HELT: variants seen among roughly 807,000 people sequenced by gnomAD.
The protein encoded by HELT is hairy and enhancer of split-related protein HELT.
A neutral mutation model predicts 19.5 loss-of-function variants in HELT; 9 were observed. That is an observed-to-expected ratio of 0.46 (90% confidence interval 0.28 to 0.80). HELT has a LOEUF of 0.80. HELT is among the 30% of genes least tolerant of loss of function. HELT has a pLI of 0.12. For missense variants in HELT, 366 were observed against 326.3 expected, an observed-to-expected ratio of 1.12 and a Z score of -0.94; for synonymous variants, 162 against 148.3, an observed-to-expected ratio of 1.09 and a Z score of -0.67.
chr4:185,019,888 G>A, intron 3 of HELT, 45 bp downstream of exon 3: 5 of 1,532,108 alleles, frequency 3.3e-6, no homozygotes, highest in Middle Eastern at 2.0e-4. Context: ...AGGCGCCTGC[G>A]CCACCCAGAG....
intron 2 of HELT, 25 bp downstream of exon 2, chr4:185,019,516 G>C (rs769511243): frequency 6.3e-7 from 1 of 1,585,064 alleles, no homozygotes; most frequent in South Asian, 1.1e-5. Flanking sequence ...CCGGAGCCGG[G>C]TGCCAGGCGT....
In HELT at chr4:185,020,801, G is replaced by T. The variant is rs771983379; in HGVS notation, c.*29G>T. ...CCACTCGCCCGCCAGATTTCTCCTCGCTTTGGGCGCTTTTAGGAGAAATGC... is the reference window on the plus strand; with the variant it reads ...CCACTCGCCCGCCAGATTTCTCCTCTCTTTGGGCGCTTTTAGGAGAAATGC... On this transcript the variant is annotated 3_prime_UTR_variant, in exon 4 of 4. Transcript: ENST00000515777. 3.3e-6 allele frequency: 5 copies of T among 1,498,028 alleles called. No homozygotes were observed. The highest frequency in any genetic ancestry group is 2.9e-5 in the African/African-American group (2 of 69,944). The allele number at this position is 1,498,028 out of a possible 1,614,324, so 92.8% of individuals were successfully genotyped here.
chr4:185,020,851 T>C lies in HELT; in HGVS notation c.*79T>C, dbSNP rs1734058960. The C allele has an allele frequency of 3.5e-6, 5 of 1,425,046 alleles. No homozygotes were observed. Among genetic ancestry groups the C allele is most frequent in the African/African-American group, 3.0e-5 (2 of 66,982 alleles). 88.3% of individuals were successfully genotyped at this position (1,425,046 alleles called of 1,614,324 possible). ...CTGTATATATTGTACACATAATGTGTAAATATTGTACCCCAAAAATCTGGG... is the reference window on the plus strand; with the variant it reads ...CTGTATATATTGTACACATAATGTGCAAATATTGTACCCCAAAAATCTGGG... On this transcript the variant is annotated 3_prime_UTR_variant, in exon 4 of 4. Coordinates refer to ENST00000515777, the MANE Select transcript of HELT (RefSeq NM_001300781.2).
Position 185,019,816 on chromosome 4 carries a change from G to A in HELT, c.202G>A (p.Ala68Thr), listed in dbSNP as rs538685547. ...TCAGTACCTGAGAGCACTGCACTCC[G>A]CTGATTTTCCCCGGGGAAGGGAAAA... The part of the protein sequence containing the change: ...TVQYLRALHS[A>T]DFPRGREKAE... Residue 68 changes from alanine (A) to threonine (T), a missense_variant, in exon 3 of 4, where the codon GCT (alanine) becomes ACT (threonine). Ala to Thr is a moderately conservative substitution (Grantham distance 58). Coordinates refer to ENST00000515777, the MANE Select transcript of HELT (RefSeq NM_001300781.2). 2 of 1,613,706 alleles carry A rather than the reference G, an allele frequency of 1.2e-6. No individual in the cohort carries two copies. The highest frequency in any genetic ancestry group is 1.7e-5 in the Admixed American group (1 of 60,012).
chr4:185,019,540 C>A (rs774335027), intron 2 of HELT, 49 bp downstream of exon 2: 2 of 1,563,386 alleles, frequency 1.3e-6, no homozygotes, highest in African/African-American at 1.4e-5. Flanking sequence ...GAGGCCTCTG[C>A]GGCCACTCTG....
chr4:185,020,949 C>CTCTCTTTGGGTCTTTAT lies in HELT; in HGVS notation c.*177_*178insTCTCTTTGGGTCTTTAT. 1 of 781,966 alleles carries CTCTCTTTGGGTCTTTAT rather than the reference C, an allele frequency of 1.3e-6. No homozygotes were observed. The highest frequency in any genetic ancestry group is 1.8e-6 in the Non-Finnish European group (1 of 542,896). 48.4% of individuals were successfully genotyped at this position (781,966 alleles called of 1,614,324 possible). On this transcript the variant is annotated 3_prime_UTR_variant, in exon 4 of 4. Coordinates refer to ENST00000515777, the MANE Select transcript of HELT (RefSeq NM_001300781.2). ...GTAATAAACGTTTTCTGATAAAGAC[C>CTCTCTTTGGGTCTTTAT]CAAAGAGAGGGATTTATGTATTACC...
In HELT at chr4:185,018,847, G is replaced by A; in HGVS notation, c.-82G>A. 6.9e-7 allele frequency: 1 copy of A among 1,452,126 alleles called. No individual in the cohort carries two copies. The highest frequency in any genetic ancestry group is 9.4e-7 in the Non-Finnish European group (1 of 1,066,554). The allele number at this position is 1,452,126 out of a possible 1,614,324, so 90.0% of individuals were successfully genotyped here. A position where few individuals can be genotyped will look rare whatever the true frequency, so the allele number is the denominator to read the frequency against. ...AGTTGGGAGGCTGCAGTCTACCTGGGACACTCGAGGAGGCACACGAGGCGG... is the reference window on the plus strand; with the variant it reads ...AGTTGGGAGGCTGCAGTCTACCTGGAACACTCGAGGAGGCACACGAGGCGG... On this transcript the variant is annotated 5_prime_UTR_variant, in exon 1 of 4. Coordinates refer to ENST00000515777, the MANE Select transcript of HELT (RefSeq NM_001300781.2).
intron 2 of HELT, 75 bp from the exon 3 acceptor site, chr4:185,019,672 C>T: frequency 6.2e-7 from 1 of 1,610,654 alleles, no homozygotes; most frequent in Non-Finnish European, 8.5e-7. Context: ...CGTCCGCTCG[C>T]TGGTCCTCTC....
intron 2 of HELT, 103 bp from the exon 3 acceptor site, chr4:185,019,644 G>A (rs1244741341): frequency 1.2e-6 from 2 of 1,606,828 alleles, no homozygotes; most frequent in Non-Finnish European, 1.7e-6. Flanking sequence ...AGGAGGCTCT[G>A]GCGCAGATCC....
rs1307489177 is a variant in HELT at position 185,020,514 on chromosome 4, T to C, written c.471T>C (p.Ala157=). 4 of 1,611,590 alleles carry C rather than the reference T, an allele frequency of 2.5e-6. No homozygotes were observed. Among genetic ancestry groups the C allele is most frequent in the Non-Finnish European group, 3.4e-6 (4 of 1,179,848 alleles). The change falls in exon 4 of 4, where the codon GCT becomes GCC. Residue 157 remains alanine (A), a synonymous_variant. Coordinates refer to ENST00000515777, the MANE Select transcript of HELT (RefSeq NM_001300781.2). The stretch of plus-strand genomic sequence containing the variant: ...TGCACCCTGCGGGGCCCGAATTCGC[T>C]GGTCACAGCCCGGGCGAGGCCGCTG... ...YQLHPAGPEF[A]GHSPGEAAVF... is the part of the protein sequence containing the mutation.
chr4:185,019,016 A>AC (rs758485117), intron 1 of HELT, 61 bp downstream of exon 1: 10 of 1,612,782 alleles, frequency 6.2e-6, no homozygotes, highest in Non-Finnish European at 8.5e-6. Flanking sequence ...TGACTCACCG[A>AC]CCCGCCACTT....
Position 185,020,844 on chromosome 4 carries a change from T to G in HELT, c.*72T>G. On this transcript the variant is annotated 3_prime_UTR_variant, in exon 4 of 4. Transcript: ENST00000515777. ...AGAAATGCTGTATATATTGTACACA[T>G]AATGTGTAAATATTGTACCCCAAAA... 6.9e-7 allele frequency: 1 copy of G among 1,450,136 alleles called. No individual in the cohort carries two copies. Among genetic ancestry groups the G allele is most frequent in the Non-Finnish European group, 9.0e-7 (1 of 1,106,742 alleles). The allele number at this position is 1,450,136 out of a possible 1,614,324, so 89.8% of individuals were successfully genotyped here. A position where few individuals can be genotyped will look rare whatever the true frequency, so the allele number is the denominator to read the frequency against.
chr4:185,019,595 C>T, intron 2 of HELT, 104 bp downstream of exon 2: 1 of 1,563,432 alleles, frequency 6.4e-7, no homozygotes. Context: ...CACTTGCGGG[C>T]CCCTCCCAGG....
At chr4:185,019,270 G>A (rs1455734584) in intron 1 of HELT, 117 bp from the exon 2 acceptor site, 1 of 1,114,790 alleles carries the variant, frequency 9.0e-7, no homozygotes, top group Non-Finnish European at 1.3e-6. Context: ...TCCCTTCCTA[G>A]AGCGAATCTG....
chr4:185,020,182 G>A (rs1310810842), intron 3 of HELT, 91 bp from the exon 4 acceptor site: 1 of 1,531,540 alleles, frequency 6.5e-7, no homozygotes, highest in African/African-American at 1.4e-5. Context: ...GCCAGAAAAT[G>A]TGGTGGGAGG....
rs201621777 is a variant in HELT at position 185,020,760 on chromosome 4, C to T, written c.717C>T (p.Pro239=). Residue 239 remains proline, a synonymous_variant, in exon 4 of 4, where the codon CCC becomes CCT. Coordinates refer to ENST00000515777, the MANE Select transcript of HELT (RefSeq NM_001300781.2). ...TTAACCTGCACACGCCCCAGCACCC[C>T]CCGGTGCTCTGACGCCCACTCGCCC... ...NALNLHTPQH[P]PVL The T allele has an allele frequency of 2.5e-5, 38 of 1,528,628 alleles. No individual in the cohort carries two copies. The Admixed American group carries it at 6.2e-4, about 25-fold the overall frequency. 94.7% of individuals were successfully genotyped at this position (1,528,628 alleles called of 1,614,324 possible).
In HELT at chr4:185,020,362, C is replaced by G. The variant is rs371797374; in HGVS notation, c.319C>G (p.Arg107Gly). The G allele has an allele frequency of 9.0e-5, 146 of 1,614,110 alleles. 1 individual carries two copies. The highest frequency in any genetic ancestry group is 1.2e-4 in the Non-Finnish European group (138 of 1,180,054). ...NLVHYLTTVE[R>G]METKDTKYAR... ...GGTGCATTACCTCACCACGGTGGAG[C>G]GGATGGAGACCAAGGACACGAAGTA... Residue 107 changes from arginine (R) to glycine (G), a missense_variant, in exon 4 of 4, where the codon CGG becomes GGG. By Grantham distance (125) the Arg-to-Gly change is moderately radical (BLOSUM62 -2). Transcript: ENST00000515777.
intron 1 of HELT, 150 bp downstream of exon 1, chr4:185,019,105 G>A: frequency 2.5e-6 from 4 of 1,597,652 alleles, no homozygotes; most frequent in Non-Finnish European, 3.4e-6. Context: ...AAGGGGGTGG[G>A]GTAGAGAGAG....
At chr4:185,019,244 C>A (rs1206315681) in intron 1 of HELT, 143 bp from the exon 2 acceptor site, 19 of 1,137,666 alleles carry the variant, frequency 1.7e-5, no homozygotes, top group Non-Finnish European at 2.1e-5. Flanking sequence ...CTGGCCCGAG[C>A]GTGGCGGGCC....
Sources: allele counts gnomAD v4.1 joint callset, GRCh38; gene constraint gnomAD v4.1.1; transcripts MANE v1.5; gene names NCBI Gene and HGNC (gene_info 2026-07-23, HGNC 2026-07-21).